LRRC66: variants seen among roughly 807,000 people sequenced by gnomAD.
LRRC66 encodes the protein leucine rich repeat containing 66.
Under a neutral mutation model 24.6 loss-of-function variants are expected in LRRC66, and 29 were observed. The ratio of observed to expected loss-of-function variants is 1.18; its 90% CI spans 0.88 to 1.61. LRRC66 has a LOEUF of 1.61. LRRC66 is among the 40% of genes most tolerant of loss of function. LRRC66 has a pLI of 0.00. For synonymous variants in LRRC66, 411 were observed against 397.6 expected (o/e 1.03, Z -0.40); for missense variants, 1,124 against 1,058.0 (o/e 1.06, Z -0.87).
chr4:51,998,839 T>C (rs1736382580), intron 3 of LRRC66, among the ~76,000 whole-genome samples: 1 of 152,172 alleles, frequency 6.6e-6, no homozygotes, highest in East Asian at 1.9e-4. Flanking sequence ...ACATACATGA[T>C]CTCTGATCTC....
Position 51,996,167 on chromosome 4 carries a change from T to G in LRRC66, c.857-2A>C. The G allele has an allele frequency of 1.9e-6, 3 of 1,570,084 alleles. No homozygotes were observed. The highest frequency in any genetic ancestry group is 2.6e-6 in the Non-Finnish European group (3 of 1,159,322). On this transcript the variant is annotated splice_acceptor_variant, in intron 4 of 4. Transcript: ENST00000682860. LOFTEE classifies it high-confidence loss of function. ...TGCCCCCGTTGGCCTCCTCACTCCC[T>G]GCAAGTGGGATTAAAAAAATACACA...
chr4:52,017,863 C>A (rs1736856576), intron 1 of LRRC66: 3 of 985,206 alleles, frequency 3.0e-6, no homozygotes, highest in Non-Finnish European at 3.6e-6. Context: ...TCAGAAAATA[C>A]ATATTCAGTT....
chr4:52,013,997 T>C (rs1736755807), intron 2 of LRRC66, among the ~76,000 whole-genome samples: 1 of 152,254 alleles, frequency 6.6e-6, no homozygotes, highest in Non-Finnish European at 1.5e-5. Flanking sequence ...CTCACGCCTC[T>C]AATCCCAGCA....
At chr4:52,018,627 T>C (rs1736873445) in intron 1 of LRRC66, 1 of 976,292 alleles carries the variant, frequency 1.0e-6, no homozygotes. Flanking sequence ...AAAGGATTAT[T>C]TTCCTACAAT....
Position 52,003,301 on chromosome 4 carries a change from T to C in LRRC66, c.588A>G (p.Gln196=). The C allele has an allele frequency of 6.2e-7, 1 of 1,613,976 alleles. No individual in the cohort carries two copies. The highest frequency in any genetic ancestry group is 8.5e-7 in the Non-Finnish European group (1 of 1,179,882). Residue 196 remains glutamine (Q), a synonymous_variant, in exon 3 of 5, where the codon CAA becomes CAG. Transcript: ENST00000682860. ...TGCTCTTTAAACAGAGATTCTCCAG[T>C]TGCAGGCAGTTGTGAAAATCAGACC... is the stretch of plus-strand genomic sequence containing the variant. ...IGWSDFHNCL[Q]LENLCLKSNK...
intron 2 of LRRC66, among the ~76,000 whole-genome samples, chr4:52,005,926 A>G (rs925032064): frequency 6.6e-6 from 1 of 152,244 alleles, no homozygotes; most frequent in Non-Finnish European, 1.5e-5. Flanking sequence ...TGTGCATAGA[A>G]GCATATTCCT....
chr4:52,001,123 C>A (rs540065364), intron 3 of LRRC66, among the ~76,000 whole-genome samples: 3 of 152,034 alleles, frequency 2.0e-5, no homozygotes, highest in Admixed American at 6.6e-5. Context: ...AGGGTAGAAG[C>A]GTTTGAGGAC....
rs1269784249 is a variant in LRRC66 at position 51,994,047 on chromosome 4, T to C, written c.*332A>G. On this transcript the variant is annotated 3_prime_UTR_variant, in exon 5 of 5. Coordinates refer to ENST00000682860, the MANE Select transcript of LRRC66 (RefSeq NM_001024611.3). ...TTACCCCAACCTATTGATGAAGTGC[T>C]CCTGTGTTCTCAGTGAACTGGTTTT... is the stretch of plus-strand genomic sequence containing the variant. 4.5e-6 allele frequency: 1 copy of C among 222,912 alleles called. No homozygotes were observed. The highest frequency in any genetic ancestry group is 5.2e-5 in the Admixed American group (1 of 19,156). The allele number at this position is 222,912 out of a possible 1,614,324, so 13.8% of individuals were successfully genotyped here.
chr4:51,995,053 G>A lies in LRRC66; in HGVS notation c.1969C>T (p.Pro657Ser), dbSNP rs143084937. 1 of 1,614,148 alleles carries A rather than the reference G, an allele frequency of 6.2e-7. No homozygotes were observed. Among genetic ancestry groups the A allele is most frequent in the Non-Finnish European group, 8.5e-7 (1 of 1,180,044 alleles). The stretch of plus-strand genomic sequence containing the variant: ...CCTGTGTCTCTTGGGTCACCGTATG[G>A]AACCTCGCTGTAGTGGGCTGAAAGC... The part of the protein sequence containing the change: ...EALSAHYSEV[P>S]YGDPRDTGPS... The change falls in exon 5 of 5, where the codon CCA becomes TCA. Residue 657 changes from proline to serine, a missense_variant. Coordinates refer to ENST00000682860, the MANE Select transcript of LRRC66 (RefSeq NM_001024611.3).
intron 2 of LRRC66, among the ~76,000 whole-genome samples, chr4:52,014,993 A>G (rs932763201): frequency 2.0e-5 from 3 of 152,252 alleles, no homozygotes; most frequent in African/African-American, 7.2e-5. Context: ...ATGGATCTGT[A>G]TCTGCATTTA....
In LRRC66 at chr4:51,996,180, A is replaced by T. The variant is rs764313594; in HGVS notation, c.857-15T>A. On this transcript the variant is annotated splice_polypyrimidine_tract_variant and intron_variant, in intron 4 of 4. Transcript: ENST00000682860. The stretch of plus-strand genomic sequence containing the variant: ...CTCCTCACTCCCTGCAAGTGGGATT[A>T]AAAAAATACACATTGAGCGAACATT... 7 of 1,546,190 alleles carry T rather than the reference A, an allele frequency of 4.5e-6. No individual in the cohort carries two copies. The highest frequency in any genetic ancestry group is 1.2e-5 in the South Asian group (1 of 82,846).
intron 2 of LRRC66, among the ~76,000 whole-genome samples, chr4:52,015,457 T>TA (rs1370652879): frequency 5.9e-5 from 9 of 152,220 alleles, no homozygotes; most frequent in African/African-American, 2.2e-4. Flanking sequence ...GATGCCTTGT[T>TA]AGAGTATACG....
At chr4:52,002,213 CACTT>C (rs1736460493) in intron 3 of LRRC66, among the ~76,000 whole-genome samples, 1 of 152,130 alleles carries the variant, frequency 6.6e-6, no homozygotes, top group East Asian at 1.9e-4. Context: ...GGATAAATAA[CACTT>C]ACCACTAAGA....
At chr4:52,005,479 C>G (rs1230922129) in intron 2 of LRRC66, among the ~76,000 whole-genome samples, 1 of 151,848 alleles carries the variant, frequency 6.6e-6, no homozygotes, top group Non-Finnish European at 1.5e-5. Flanking sequence ...ACTAAAAATA[C>G]AAAAATTAGC....
chr4:51,996,162 C>A lies in LRRC66; in HGVS notation c.860G>T (p.Ser287Ile). Residue 287 changes from serine (S) to isoleucine (I), a missense_variant, in exon 5 of 5, where the codon AGT becomes ATT. By Grantham distance (142) the Ser-to-Ile change is moderately radical (BLOSUM62 -2). Coordinates refer to ENST00000682860, the MANE Select transcript of LRRC66 (RefSeq NM_001024611.3). ...WNVICNRSIG[S>I]EEANGGTPQS... is the part of the protein sequence containing the mutation. ...GGGAGTGCCCCCGTTGGCCTCCTCA[C>A]TCCCTGCAAGTGGGATTAAAAAAAT... 3 of 1,602,764 alleles carry A rather than the reference C, an allele frequency of 1.9e-6. No homozygotes were observed. Among genetic ancestry groups the A allele is most frequent in the Non-Finnish European group, 2.6e-6 (3 of 1,173,946 alleles).
At chr4:52,011,381 T>C (rs934768404) in intron 2 of LRRC66, among the ~76,000 whole-genome samples, 2 of 152,188 alleles carry the variant, frequency 1.3e-5, no homozygotes, top group Non-Finnish European at 2.9e-5. Context: ...ATAGTGGTGA[T>C]GGTTTCATGA....
Position 51,995,911 on chromosome 4 carries a change from C to A in LRRC66, c.1111G>T (p.Ala371Ser), listed in dbSNP as rs746949808. The A allele has an allele frequency of 2.5e-6, 4 of 1,613,952 alleles. No homozygotes were observed. The highest frequency in any genetic ancestry group is 4.5e-5 in the East Asian group (2 of 44,848). ...DVQAAGKKED[A>S]PQDLALAVCL... ...ACCGCCAGAGCCAGGTCCTGGGGAG[C>A]GTCCTCTTTTTTGCCGGCAGCCTGC... Residue 371 changes from alanine (A) to serine (S), a missense_variant, in exon 5 of 5, where the codon GCT becomes TCT. Ala to Ser is a moderately conservative substitution (Grantham distance 99). Coordinates refer to ENST00000682860, the MANE Select transcript of LRRC66 (RefSeq NM_001024611.3).
chr4:52,007,472 C>G (rs1736615315), intron 2 of LRRC66, among the ~76,000 whole-genome samples: 1 of 152,178 alleles, frequency 6.6e-6, no homozygotes, highest in Non-Finnish European at 1.5e-5. Flanking sequence ...AGGTGTGAAC[C>G]ACTGCTCCCA....
chr4:52,013,707 G>A (rs1055943366), intron 2 of LRRC66, among the ~76,000 whole-genome samples: 5 of 152,246 alleles, frequency 3.3e-5, no homozygotes, highest in Admixed American at 1.3e-4. Flanking sequence ...GACAGGGTTA[G>A]TTCGTGTGAT....
Sources: gnomAD v4.1 joint callset for allele counts (sites outside exome capture counted in the v4.1 genomes callset) on GRCh38, gnomAD v4.1.1 for gene constraint, MANE v1.5 for transcripts, NCBI Gene and HGNC (gene_info 2026-07-23, HGNC 2026-07-21) for gene names.